The following SIPA1L3 variants were observed in gnomAD, a reference collection of about 807,000 sequenced individuals.
SIPA1L3 encodes signal-induced proliferation-associated 1-like protein 3.
In SIPA1L3, 59 loss-of-function variants were observed where a neutral mutation model predicts 150.1. The observed-to-expected ratio is 0.39, with a 90% CI of 0.32 to 0.49. SIPA1L3 has a LOEUF of 0.49. SIPA1L3 is among the 20% of genes least tolerant of loss of function. SIPA1L3 has a pLI of 0.86. For missense variants in SIPA1L3, 2,211 were observed against 2,489.5 expected (o/e 0.89, Z 2.38); for synonymous variants, 1,070 against 1,077.6 (o/e 0.99, Z 0.14).
chr19:38,170,399 C>T (rs1427114060), intron 15 of SIPA1L3, among the ~76,000 whole-genome samples: 1 of 146,864 alleles, frequency 6.8e-6, no homozygotes, highest in Non-Finnish European at 1.5e-5. Flanking sequence ...AGCCCAGCAG[C>T]CCCCCTCATG....
At chr19:37,985,478 T>G (rs967387277) in intron 1 of SIPA1L3, among the ~76,000 whole-genome samples, 1 of 150,900 alleles carries the variant, frequency 6.6e-6, no homozygotes. Context: ...GCCTAGACAA[T>G]AGAGAGAGAG....
At chr19:37,941,503 G>A in intron 1 of SIPA1L3, among the ~76,000 whole-genome samples, 1 of 95,726 alleles carries the variant, frequency 1.0e-5, no homozygotes, top group African/African-American at 3.9e-5. Flanking sequence ...TTGTTTTTAT[G>A]TTCATTCATT....
At position 38,088,809 on chromosome 19, in the gene SIPA1L3, C is replaced by T. The variant is rs764652931; in HGVS notation, c.1623C>T (p.His541=). ...KREKLEDHKE[H]GPQYQYRIIF... is the part of the protein sequence containing the mutation. The stretch of plus-strand genomic sequence containing the variant: ...AGAAGCTGGAAGACCACAAGGAGCA[C>T]GGACCTCAGTACCAGTACAGGATCA... The change falls in exon 4 of 22, where the codon CAC becomes CAT. Residue 541 remains histidine (H), a synonymous_variant. Coordinates refer to ENST00000222345, the MANE Select transcript of SIPA1L3 (RefSeq NM_015073.3). 35 of 1,614,030 alleles carry T rather than the reference C, an allele frequency of 2.2e-5. No homozygotes were observed. Among genetic ancestry groups the T allele is most frequent in the South Asian group, 2.1e-4 (19 of 91,086 alleles).
At chr19:37,912,628 T>C (rs2046385789) in intron 1 of SIPA1L3, among the ~76,000 whole-genome samples, 1 of 152,136 alleles carries the variant, frequency 6.6e-6, no homozygotes, top group African/African-American at 2.4e-5. Flanking sequence ...CCCTAGTAGC[T>C]GGGGCTACAG....
At chr19:38,124,995 A>AGAGAGG (rs956029737) in intron 9 of SIPA1L3, among the ~76,000 whole-genome samples, 3 of 103,116 alleles carry the variant, frequency 2.9e-5, no homozygotes, top group East Asian at 3.1e-4. Flanking sequence ...GACTGTGGAA[A>AGAGAGG]GAGAGGGAGA....
intron 2 of SIPA1L3, among the ~76,000 whole-genome samples, chr19:38,056,464 C>T (rs1157243159): frequency 1.3e-5 from 2 of 152,210 alleles, no homozygotes; most frequent in Non-Finnish European, 2.9e-5. Context: ...TAAACACCAC[C>T]CCTTCCATGC....
intron 2 of SIPA1L3, among the ~76,000 whole-genome samples, chr19:38,056,862 G>A (rs569301072): frequency 2.6e-5 from 4 of 151,892 alleles, no homozygotes; most frequent in Admixed American, 6.5e-5. Context: ...GTTGGAGACC[G>A]CCCGGAGCAA....
At position 38,186,417 on chromosome 19, in the gene SIPA1L3, C is replaced by A. The variant is rs572372103; in HGVS notation, c.4430+3677C>A. On this transcript the variant is annotated intron_variant, in intron 16 of 21. Coordinates refer to ENST00000222345, the MANE Select transcript of SIPA1L3 (RefSeq NM_015073.3). ...AACCTCCACCTCCTGGGTTCAAGCACTTCTTCTGCCTCAGCCTACCAAGTA... is the reference window on the plus strand; with the variant it reads ...AACCTCCACCTCCTGGGTTCAAGCAATTCTTCTGCCTCAGCCTACCAAGTA... Among the ~76,000 whole-genome samples the A allele has an allele frequency of 8.6e-5, 13 of 152,042 alleles. No individual in the cohort carries two copies. The South Asian group carries it at 2.5e-3, about 29-fold the overall frequency.
intron 12 of SIPA1L3, 117 bp downstream of exon 12, chr19:38,142,827 C>T (rs1388764216): frequency 2.3e-6 from 3 of 1,302,890 alleles, no homozygotes; most frequent in Non-Finnish European, 3.2e-6. Flanking sequence ...GTTTCTGGAC[C>T]CCTGAAGGTC....
At chr19:37,962,920 A>G (rs1278887184) in intron 1 of SIPA1L3, among the ~76,000 whole-genome samples, 1 of 152,098 alleles carries the variant, frequency 6.6e-6, no homozygotes, top group East Asian at 1.9e-4. Flanking sequence ...TTTACTGAGT[A>G]TCCTGGGCTA....
At chr19:37,950,684 G>A (rs2046755535) in intron 1 of SIPA1L3, among the ~76,000 whole-genome samples, 1 of 152,280 alleles carries the variant, frequency 6.6e-6, no homozygotes, top group African/African-American at 2.4e-5. Context: ...GCCGAGACTG[G>A]CGCTTGCTCC....
chr19:37,942,804 C>T (rs1277246538), intron 1 of SIPA1L3, among the ~76,000 whole-genome samples: 2 of 152,050 alleles, frequency 1.3e-5, no homozygotes, highest in African/African-American at 4.8e-5. Flanking sequence ...AAAGGTTTAC[C>T]AGCGGGTTCA....
chr19:38,093,505 T>A (rs558710418), intron 4 of SIPA1L3, among the ~76,000 whole-genome samples: 1 of 152,110 alleles, frequency 6.6e-6, no homozygotes, highest in Non-Finnish European at 1.5e-5. Context: ...ACCTGACACT[T>A]GACTGGAAGT....
chr19:37,998,152 T>C (rs190109128), intron 1 of SIPA1L3, among the ~76,000 whole-genome samples: 16 of 152,314 alleles, frequency 1.1e-4, no homozygotes, highest in Non-Finnish European at 1.9e-4. Context: ...AAATATTCTT[T>C]TGATGAGTGC....
intron 1 of SIPA1L3, among the ~76,000 whole-genome samples, chr19:37,984,514 A>G (rs1293440736): frequency 2.0e-5 from 3 of 152,194 alleles, no homozygotes; most frequent in African/African-American, 7.2e-5. Context: ...GCGAAACATT[A>G]AGGAAAGAGA....
At chr19:38,103,938 A>G (rs1970565362) in intron 6 of SIPA1L3, among the ~76,000 whole-genome samples, 1 of 151,038 alleles carries the variant, frequency 6.6e-6, no homozygotes, top group South Asian at 2.1e-4. Flanking sequence ...AAAAAAATAT[A>G]TATATGTATA....
intron 1 of SIPA1L3, among the ~76,000 whole-genome samples, chr19:37,947,664 T>G (rs1031785085): frequency 6.6e-6 from 1 of 152,172 alleles, no homozygotes; most frequent in Admixed American, 6.6e-5. Flanking sequence ...TGAAGCAGAT[T>G]GATAATATTC....
At position 38,081,946 on chromosome 19, in the gene SIPA1L3, C is replaced by T; in HGVS notation, c.381C>T (p.Thr127=). Reference sequence around the variant, plus strand: ...GCATACAGAACGGACAGCCCCCCACCAGCACCCCGGCTTCCTCAGGGTCCA... The same window carrying T: ...GCATACAGAACGGACAGCCCCCCACTAGCACCCCGGCTTCCTCAGGGTCCA... ...MRSIQNGQPP[T]STPASSGSKA... The change falls in exon 3 of 22, where the codon ACC becomes ACT. Residue 127 remains threonine, a synonymous_variant. Transcript: ENST00000222345. 6.2e-7 allele frequency: 1 copy of T among 1,614,174 alleles called. No individual in the cohort carries two copies. Among genetic ancestry groups the T allele is most frequent in the Non-Finnish European group, 8.5e-7 (1 of 1,179,990 alleles).
chr19:37,930,168 G>A (rs1206117740), intron 1 of SIPA1L3, among the ~76,000 whole-genome samples: 1 of 152,032 alleles, frequency 6.6e-6, no homozygotes, highest in South Asian at 2.1e-4. Context: ...GGGACTACGG[G>A]CGCCCGCCAC....
Sources: gnomAD v4.1 joint callset for allele counts (sites outside exome capture counted in the v4.1 genomes callset) on GRCh38, gnomAD v4.1.1 for gene constraint, MANE v1.5 for transcripts, NCBI Gene and HGNC (gene_info 2026-07-23, HGNC 2026-07-21) for gene names.